Variants in CDKAL1 observed in about 807,000 individuals in gnomAD.
The protein encoded by CDKAL1 is CDKAL1 threonylcarbamoyladenosine tRNA methylthiotransferase, also known as threonylcarbamoyladenosine tRNA methylthiotransferase.
Under a neutral mutation model 68.2 loss-of-function variants are expected in CDKAL1, and 32 were observed. That is an observed-to-expected ratio of 0.47 (90% CI 0.35 to 0.63). The LOEUF (loss-of-function observed/expected upper bound fraction) is 0.63, where lower values mean the gene tolerates loss of function less well. Among genes scored for constraint, CDKAL1 ranks in the 30% least tolerant of loss-of-function variants. The probability of loss-of-function intolerance (pLI) is 0.00; values close to 1 mark genes in which losing one functional copy is unlikely to be tolerated. For synonymous variants in CDKAL1, 234 were observed against 244.3 expected, an observed-to-expected ratio of 0.96 and a Z score of 0.39; for missense variants, 606 against 696.7, an observed-to-expected ratio of 0.87 and a Z score of 1.47.
chr6:20,977,179 A>G (rs1765884229), intron 10 of CDKAL1, among the ~76,000 whole-genome samples: 1 of 152,222 alleles, frequency 6.6e-6, no homozygotes. Context: ...AAAAGGGGAA[A>G]TATTTGGGAT....
At chr6:20,994,980 A>G (rs1191082163) in intron 10 of CDKAL1, among the ~76,000 whole-genome samples, 1 of 152,188 alleles carries the variant, frequency 6.6e-6, no homozygotes, top group Non-Finnish European at 1.5e-5. Context: ...GTATATTATC[A>G]TAAATACTTT....
intron 10 of CDKAL1, among the ~76,000 whole-genome samples, chr6:20,991,847 C>A (rs1766825454): frequency 6.9e-6 from 1 of 145,624 alleles, no homozygotes; most frequent in Non-Finnish European, 1.5e-5. Flanking sequence ...GAGACCCTGT[C>A]TCTTTAAAAA....
chr6:21,094,587 A>C (rs1431939438), intron 12 of CDKAL1, among the ~76,000 whole-genome samples: 2 of 152,206 alleles, frequency 1.3e-5, no homozygotes, highest in Non-Finnish European at 2.9e-5. Context: ...AAAGAAAAAG[A>C]AGCAAAAAGA....
chr6:20,560,267 A>G (rs1202144873), intron 4 of CDKAL1, among the ~76,000 whole-genome samples: 1 of 152,226 alleles, frequency 6.6e-6, no homozygotes, highest in Admixed American at 6.5e-5. Flanking sequence ...AAAACTTTTT[A>G]GCAGTATTTA....
At chr6:20,653,826 T>C (rs1347256373) in intron 5 of CDKAL1, among the ~76,000 whole-genome samples, 2 of 152,134 alleles carry the variant, frequency 1.3e-5, no homozygotes, top group Non-Finnish European at 2.9e-5. Flanking sequence ...TTGGCCAGGA[T>C]GATCTCAATC....
chr6:20,602,773 T>G (rs181291381), intron 4 of CDKAL1, among the ~76,000 whole-genome samples: 101 of 152,318 alleles, frequency 6.6e-4, no homozygotes, highest in Non-Finnish European at 7.1e-4. Flanking sequence ...ATATCAGTTT[T>G]CTGGGCTGGG....
At chr6:21,065,811 C>G (rs1302521259) in intron 12 of CDKAL1, among the ~76,000 whole-genome samples, 1 of 151,594 alleles carries the variant, frequency 6.6e-6, no homozygotes, top group Non-Finnish European at 1.5e-5. Context: ...AAATGTTTCC[C>G]AGAATGCCCC....
At chr6:20,660,799 C>A (rs1046512129) in intron 5 of CDKAL1, among the ~76,000 whole-genome samples, 1 of 152,050 alleles carries the variant, frequency 6.6e-6, no homozygotes, top group Non-Finnish European at 1.5e-5. Context: ...GGTTTAGTAT[C>A]GTTATGCTGT....
intron 7 of CDKAL1, among the ~76,000 whole-genome samples, chr6:20,765,794 G>A (rs1004779476): frequency 2.0e-5 from 3 of 152,160 alleles, no homozygotes; most frequent in Non-Finnish European, 2.9e-5. Flanking sequence ...TGTAAGAGAA[G>A]CCAGCATGTG....
intron 13 of CDKAL1, among the ~76,000 whole-genome samples, chr6:21,112,920 C>CT (rs1774195773): frequency 6.6e-6 from 1 of 152,172 alleles, no homozygotes; most frequent in African/African-American, 2.4e-5. Flanking sequence ...ACAGTTCAAT[C>CT]TTTTTTTAAA....
At chr6:20,952,102 G>T (rs1024466333) in intron 9 of CDKAL1, among the ~76,000 whole-genome samples, 32 of 151,894 alleles carry the variant, frequency 2.1e-4, no homozygotes, top group African/African-American at 6.8e-4. Context: ...GGGACTACAG[G>T]CGCCCGCCAC....
chr6:20,774,572 A>G (rs532547969), intron 7 of CDKAL1, among the ~76,000 whole-genome samples: 1 of 152,316 alleles, frequency 6.6e-6, no homozygotes, highest in East Asian at 1.9e-4. Flanking sequence ...AGATTTAGAA[A>G]ACATTTTTGT....
At chr6:20,964,067 A>G (rs1211675556) in intron 10 of CDKAL1, among the ~76,000 whole-genome samples, 1 of 152,184 alleles carries the variant, frequency 6.6e-6, no homozygotes, top group African/African-American at 2.4e-5. Context: ...AAAACTCAAC[A>G]TCACCGATCA....
At chr6:21,117,162 C>T (rs1240917884) in intron 13 of CDKAL1, among the ~76,000 whole-genome samples, 1 of 152,130 alleles carries the variant, frequency 6.6e-6, no homozygotes, top group African/African-American at 2.4e-5. Context: ...ACCAACCTTT[C>T]TTATCCCCAT....
At chr6:20,796,432 G>A (rs973092105) in intron 8 of CDKAL1, among the ~76,000 whole-genome samples, 2 of 152,170 alleles carry the variant, frequency 1.3e-5, no homozygotes, top group Admixed American at 6.5e-5. Flanking sequence ...TAGATTTAAA[G>A]TAATTTGAAT....
intron 4 of CDKAL1, among the ~76,000 whole-genome samples, chr6:20,576,475 G>A (rs1464473019): frequency 6.6e-6 from 1 of 152,174 alleles, no homozygotes; most frequent in Non-Finnish European, 1.5e-5. Context: ...TTGAAATCAG[G>A]TATGAAGTAT....
intron 8 of CDKAL1, among the ~76,000 whole-genome samples, chr6:20,820,147 CAA>C (rs1777217621): frequency 1.3e-5 from 2 of 152,256 alleles, no homozygotes; most frequent in Admixed American, 1.3e-4. Flanking sequence ...TCATGGGCCT[CAA>C]AGTATGTAGG....
chr6:21,180,747 C>T (rs1025350193), intron 13 of CDKAL1, among the ~76,000 whole-genome samples: 1 of 151,828 alleles, frequency 6.6e-6, no homozygotes, highest in African/African-American at 2.4e-5. Flanking sequence ...TTTCAAAGAC[C>T]TTTTGTAGTT....
intron 10 of CDKAL1, among the ~76,000 whole-genome samples, chr6:20,979,772 CTTTTT>C (rs58698004): frequency 3.0e-5 from 4 of 131,748 alleles, no homozygotes; most frequent in Non-Finnish European, 4.9e-5. Flanking sequence ...TTCATAGTAT[CTTTTT>C]TTTTTTTTTT....
Sources: allele counts gnomAD v4.1 joint callset (sites outside exome capture counted in the v4.1 genomes callset), GRCh38; gene constraint gnomAD v4.1.1; transcripts MANE v1.5; gene names NCBI Gene and HGNC (gene_info 2026-07-23, HGNC 2026-07-21).